Variants in MTX2 observed in about 807,000 individuals in gnomAD.
MTX2 encodes the protein metaxin-2.
In MTX2, 35 loss-of-function variants were observed where a neutral mutation model predicts 42.3. The observed-to-expected ratio is 0.83, with a 90% CI of 0.63 to 1.10. MTX2 has a LOEUF of 1.10. MTX2 is among the 50% of genes least tolerant of loss of function. MTX2 has a pLI of 0.00. For missense variants in MTX2, 307 were observed against 304.1 expected, an observed-to-expected ratio of 1.01 and a Z score of -0.07; for synonymous variants, 119 against 100.9, an observed-to-expected ratio of 1.18 and a Z score of -1.08.
At chr2:176,329,236 T>A in intron 7 of MTX2, 65 bp from the exon 8 acceptor site, 3 of 1,500,968 alleles carry the variant, frequency 2.0e-6, no homozygotes, top group Non-Finnish European at 2.7e-6. Flanking sequence ...TTTAGAATTC[T>A]ATTTGTAAAA....
intron 3 of MTX2, among the ~76,000 whole-genome samples, chr2:176,299,389 C>T (rs949169180): frequency 3.3e-5 from 5 of 151,902 alleles, no homozygotes; most frequent in Non-Finnish European, 5.9e-5. Flanking sequence ...TTAAATAACC[C>T]GGAGAAGGGG....
intron 1 of MTX2, among the ~76,000 whole-genome samples, chr2:176,285,651 T>C (rs1693182574): frequency 1.3e-5 from 2 of 151,816 alleles, no homozygotes; most frequent in South Asian, 4.2e-4. Flanking sequence ...TTTTTTTTTA[T>C]TGGGCATAAT....
At chr2:176,332,799 T>G (rs561022036) in intron 9 of MTX2, among the ~76,000 whole-genome samples, 1 of 151,192 alleles carries the variant, frequency 6.6e-6, no homozygotes, top group African/African-American at 2.4e-5. Context: ...GAAAGAACAA[T>G]TAGGAAACAC....
At chr2:176,319,876 T>A (rs1684535862) in intron 3 of MTX2, among the ~76,000 whole-genome samples, 1 of 152,060 alleles carries the variant, frequency 6.6e-6, no homozygotes, top group African/African-American at 2.4e-5. Flanking sequence ...TTTTTAAAAA[T>A]TTTTGTAGAG....
intron 9 of MTX2, among the ~76,000 whole-genome samples, chr2:176,333,639 C>G (rs181061397): frequency 4.0e-5 from 6 of 151,730 alleles, no homozygotes; most frequent in Admixed American, 4.0e-4. Context: ...TGGATATATA[C>G]AGTCATGCCC....
chr2:176,337,406 G>T, intron 9 of MTX2, 87 bp from the exon 10 acceptor site: 4 of 1,153,430 alleles, frequency 3.5e-6, no homozygotes, highest in South Asian at 1.8e-5. Context: ...TACGAGTATG[G>T]GACCTGTGGG....
intron 1 of MTX2, among the ~76,000 whole-genome samples, chr2:176,291,913 T>G (rs138490739): frequency 6.6e-6 from 1 of 152,084 alleles, no homozygotes; most frequent in East Asian, 1.9e-4. Flanking sequence ...AGGTTAGGGA[T>G]GTGTGTGTGA....
intron 5 of MTX2, 47 bp from the exon 6 acceptor site, chr2:176,328,246 G>A (rs1684762896): frequency 8.0e-7 from 1 of 1,248,836 alleles, no homozygotes. Context: ...GAAAGTTTTT[G>A]TATATTTAAT....
chr2:176,337,827 C>A lies in MTX2; in HGVS notation c.*163C>A. On this transcript the variant is annotated 3_prime_UTR_variant, in exon 10 of 10. Coordinates refer to ENST00000249442, the MANE Select transcript of MTX2 (RefSeq NM_006554.5). ...TGCTTTATATTGTTATTTGTGTATACATTAAAATAATTCTGAATTATTTAA... is the reference window on the plus strand; with the variant it reads ...TGCTTTATATTGTTATTTGTGTATAAATTAAAATAATTCTGAATTATTTAA... 16 of 503,586 alleles carry A rather than the reference C, an allele frequency of 3.2e-5. No individual in the cohort carries two copies. The highest frequency in any genetic ancestry group is 7.2e-5 in the East Asian group (2 of 27,852). 31.2% of individuals were successfully genotyped at this position (503,586 alleles called of 1,614,324 possible).
At chr2:176,281,254 TCTCA>T (rs1285999995) in intron 1 of MTX2, among the ~76,000 whole-genome samples, 3 of 152,142 alleles carry the variant, frequency 2.0e-5, no homozygotes, top group East Asian at 3.9e-4. Flanking sequence ...ATGGTTTGTC[TCTCA>T]CTCATGATGT....
intron 3 of MTX2, among the ~76,000 whole-genome samples, chr2:176,315,100 T>G (rs1013688774): frequency 2.0e-5 from 3 of 152,182 alleles, no homozygotes. Flanking sequence ...AGAACCTGCT[T>G]ATCTGGTTTT....
intron 9 of MTX2, among the ~76,000 whole-genome samples, chr2:176,331,889 A>T (rs1300967136): frequency 6.6e-6 from 1 of 151,310 alleles, no homozygotes; most frequent in Non-Finnish European, 1.5e-5. Flanking sequence ...TAGTTTTGTT[A>T]TGCACACTGT....
intron 1 of MTX2, among the ~76,000 whole-genome samples, chr2:176,283,831 G>A (rs959345832): frequency 1.3e-5 from 2 of 152,070 alleles, no homozygotes; most frequent in African/African-American, 2.4e-5. Flanking sequence ...CAGTTGTGTG[G>A]GGCTGTTTTT....
intron 1 of MTX2, among the ~76,000 whole-genome samples, chr2:176,294,667 A>G (rs971907089): frequency 2.0e-5 from 3 of 152,222 alleles, no homozygotes; most frequent in Non-Finnish European, 4.4e-5. Flanking sequence ...GTAGCTTCTG[A>G]TTTATCAGAG....
intron 1 of MTX2, among the ~76,000 whole-genome samples, chr2:176,287,673 G>A (rs769155405): frequency 6.6e-6 from 1 of 152,126 alleles, no homozygotes; most frequent in Non-Finnish European, 1.5e-5. Flanking sequence ...ATGATGTGTA[G>A]CCAAAGGAAT....
At chr2:176,311,779 A>C (rs960490701) in intron 3 of MTX2, among the ~76,000 whole-genome samples, 1 of 152,216 alleles carries the variant, frequency 6.6e-6, no homozygotes, top group African/African-American at 2.4e-5. Context: ...TTTGGGTGGA[A>C]GTGTCCCGTT....
Position 176,317,064 on chromosome 2 carries a change from T to C in MTX2, c.136-6328T>C, listed in dbSNP as rs1295454668. ...AAAAAAAAAAAAACAAAAACTTTTA[T>C]TTTCAGAAGTTTCTGTTGCTTTGTT... On this transcript the variant is annotated intron_variant, in intron 3 of 9. Transcript: ENST00000249442. Among the ~76,000 whole-genome samples the C allele has an allele frequency of 3.3e-5, 5 of 151,514 alleles. No homozygotes were observed. In the East Asian group the frequency reaches 9.7e-4, roughly 29 times the overall value.
chr2:176,303,397 C>T (rs1014019532), intron 3 of MTX2, among the ~76,000 whole-genome samples: 1 of 151,984 alleles, frequency 6.6e-6, no homozygotes, highest in African/African-American at 2.4e-5. Flanking sequence ...ATTTAGTGAA[C>T]ATTTATGAGA....
At chr2:176,313,137 TTTA>T (rs1472749357) in intron 3 of MTX2, among the ~76,000 whole-genome samples, 1 of 151,884 alleles carries the variant, frequency 6.6e-6, no homozygotes, top group African/African-American at 2.4e-5. Flanking sequence ...CAAATGAGTA[TTTA>T]TTATTATGAA....
Sources: gnomAD v4.1 joint callset for allele counts (sites outside exome capture counted in the v4.1 genomes callset) on GRCh38, gnomAD v4.1.1 for gene constraint, MANE v1.5 for transcripts, NCBI Gene and HGNC (gene_info 2026-07-23, HGNC 2026-07-21) for gene names.